Variants in PTPRM observed in about 807,000 individuals in gnomAD.
PTPRM encodes protein tyrosine phosphatase receptor type M.
A neutral mutation model predicts 186.7 loss-of-function variants in PTPRM; 47 were observed. The observed-to-expected ratio is 0.25, with a 90% CI of 0.20 to 0.32. The LOEUF is 0.32. PTPRM is among the 10% of genes least tolerant of loss of function. PTPRM has a pLI of 1.00. For synonymous variants in PTPRM, 668 were observed against 674.9 expected, an observed-to-expected ratio of 0.99 and a Z score of 0.16; for missense variants, 1,494 against 1,865.0, an observed-to-expected ratio of 0.80 and a Z score of 3.66.
At position 8,200,236 on chromosome 18, in the gene PTPRM, C is replaced by T. The variant is rs1056216845; in HGVS notation, c.2301-43822C>T. Among the ~76,000 whole-genome samples, 5 of 152,098 alleles carry T rather than the reference C, an allele frequency of 3.3e-5. No homozygotes were observed. In the East Asian group the frequency reaches 7.7e-4, roughly 24 times the overall value. On this transcript the variant is annotated intron_variant, in intron 14 of 32. Coordinates refer to ENST00000580170, the MANE Select transcript of PTPRM (RefSeq NM_001105244.2). ...TGCCTGGGATGGCAGACATCATTGC[C>T]GTGGTGCAGGGGCCTCTCTATGATC...
At chr18:7,893,902 G>A (rs568213329) in intron 3 of PTPRM, among the ~76,000 whole-genome samples, 5 of 152,234 alleles carry the variant, frequency 3.3e-5, no homozygotes, top group African/African-American at 7.2e-5. Flanking sequence ...AGGACAGGCC[G>A]TATTCACAGA....
rs148047617 is a variant in PTPRM, at chr18:8,008,359, A to G, written c.1132+52945A>G. Among the ~76,000 whole-genome samples, 37 of 152,352 alleles carry G rather than the reference A, an allele frequency of 2.4e-4. No individual in the cohort carries two copies. The East Asian group carries it at 6.0e-3, about 25-fold the overall frequency. On this transcript the variant is annotated intron_variant, in intron 7 of 32. Transcript: ENST00000580170. ...CTATAGGAAAATTAAAGGCTGACGA[A>G]GAAGGTCGGGGAAAAGTTTGATCTT...
intron 1 of PTPRM, among the ~76,000 whole-genome samples, chr18:7,738,215 C>T (rs1192097744): frequency 6.6e-6 from 1 of 152,176 alleles, no homozygotes; most frequent in East Asian, 1.9e-4. Flanking sequence ...GCAATCAACA[C>T]ATTTTTGCCA....
chr18:8,148,841 G>A lies in PTPRM; in HGVS notation c.2300+5062G>A, dbSNP rs567120819. On this transcript the variant is annotated intron_variant, in intron 14 of 32. Coordinates refer to ENST00000580170, the MANE Select transcript of PTPRM (RefSeq NM_001105244.2). ...CTTTAAATGTGTCCCAGAGATTCTGGTACGTTGTGTCTTCATTCTCATTGG... is the reference window on the plus strand; with the variant it reads ...CTTTAAATGTGTCCCAGAGATTCTGATACGTTGTGTCTTCATTCTCATTGG... 1.4e-4 allele frequency among the ~76,000 whole-genome samples: 21 copies of A among 152,150 alleles called. No individual in the cohort carries two copies. In the South Asian group the frequency reaches 2.7e-3, roughly 20 times the overall value.
chr18:8,376,805 G>T, intron 26 of PTPRM: 1 of 596,450 alleles, frequency 1.7e-6, no homozygotes, highest in South Asian at 3.0e-5. Context: ...GAGTTTTCCA[G>T]GTAACAGAAT....
chr18:7,890,396 C>T (rs1226623916), intron 3 of PTPRM, among the ~76,000 whole-genome samples: 1 of 152,088 alleles, frequency 6.6e-6, no homozygotes, highest in Non-Finnish European at 1.5e-5. Flanking sequence ...ATCCATCAAC[C>T]CCAATTTCTC....
chr18:8,358,997 C>CTCACA (rs761300784), intron 23 of PTPRM, among the ~76,000 whole-genome samples: 19 of 152,188 alleles, frequency 1.2e-4, no homozygotes, highest in South Asian at 8.3e-4. Flanking sequence ...GGTCACTACA[C>CTCACA]CTGTTTGAAA....
intron 7 of PTPRM, among the ~76,000 whole-genome samples, chr18:8,045,302 C>G (rs1019807091): frequency 7.2e-5 from 11 of 152,010 alleles, no homozygotes; most frequent in African/African-American, 2.2e-4. Flanking sequence ...CAGCTGTGAT[C>G]GCACCACTGT....
chr18:8,032,818 T>C (rs2086073041), intron 7 of PTPRM, among the ~76,000 whole-genome samples: 1 of 151,994 alleles, frequency 6.6e-6, no homozygotes, highest in African/African-American at 2.4e-5. Context: ...TACTAACTGG[T>C]TTGGGGCAGC....
chr18:7,589,138 C>G (rs2037058514), intron 1 of PTPRM, among the ~76,000 whole-genome samples: 1 of 152,160 alleles, frequency 6.6e-6, no homozygotes, highest in Non-Finnish European at 1.5e-5. Flanking sequence ...GTGAGCTGCT[C>G]CATCCATCCC....
intron 9 of PTPRM, among the ~76,000 whole-genome samples, chr18:8,081,747 G>T (rs1348236278): frequency 6.6e-6 from 1 of 152,176 alleles, no homozygotes; most frequent in African/African-American, 2.4e-5. Context: ...ATGGGTCTGA[G>T]ATGGGGAAAC....
At chr18:8,182,989 A>G (rs1484449697) in intron 14 of PTPRM, among the ~76,000 whole-genome samples, 1 of 152,136 alleles carries the variant, frequency 6.6e-6, no homozygotes, top group African/African-American at 2.4e-5. Flanking sequence ...TGTGTCACAA[A>G]TCTTGCCACA....
chr18:8,400,194 A>G (rs527796267), intron 32 of PTPRM, among the ~76,000 whole-genome samples: 10 of 152,192 alleles, frequency 6.6e-5, no homozygotes, highest in Non-Finnish European at 1.2e-4. Flanking sequence ...GCATCTCCTC[A>G]GTGGTTCTCA....
At chr18:8,305,851 A>G (rs1261192590) in intron 20 of PTPRM, among the ~76,000 whole-genome samples, 1 of 151,462 alleles carries the variant, frequency 6.6e-6, no homozygotes, top group African/African-American at 2.4e-5. Context: ...TGAAGATTTT[A>G]TTGGTAAACT....
At chr18:7,901,367 G>GTT (rs568860986) in intron 3 of PTPRM, among the ~76,000 whole-genome samples, 1 of 149,478 alleles carries the variant, frequency 6.7e-6, no homozygotes, top group African/African-American at 2.5e-5. Context: ...TGAGCTGCAT[G>GTT]TTTTTTTTTT....
At chr18:7,747,983 A>G (rs190718309) in intron 1 of PTPRM, among the ~76,000 whole-genome samples, 84 of 152,220 alleles carry the variant, frequency 5.5e-4, no homozygotes, top group African/African-American at 2.0e-3. Context: ...ATTTCAGGAA[A>G]ATGTTTGAGA....
intron 23 of PTPRM, among the ~76,000 whole-genome samples, chr18:8,344,446 GTGTA>G (rs1279662354): frequency 4.7e-3 from 78 of 16,618 alleles, no homozygotes; most frequent in East Asian, 0.035. Context: ...GTGTGTGTGT[GTGTA>G]TATATATATA....
intron 3 of PTPRM, among the ~76,000 whole-genome samples, chr18:7,906,235 C>T (rs1206572400): frequency 4.6e-5 from 7 of 152,114 alleles, no homozygotes; most frequent in Non-Finnish European, 7.4e-5. Flanking sequence ...TGTCATCCCC[C>T]GCAACCCCAT....
At chr18:7,797,905 C>T (rs981362366) in intron 2 of PTPRM, among the ~76,000 whole-genome samples, 2 of 152,224 alleles carry the variant, frequency 1.3e-5, no homozygotes, top group Admixed American at 1.3e-4. Flanking sequence ...AGAATCCCCT[C>T]TAGCCACTGG....
Sources: gnomAD v4.1 joint callset for allele counts (sites outside exome capture counted in the v4.1 genomes callset) on GRCh38, gnomAD v4.1.1 for gene constraint, MANE v1.5 for transcripts, NCBI Gene and HGNC (gene_info 2026-07-23, HGNC 2026-07-21) for gene names.